Variants in ABCA13 observed in about 807,000 individuals in gnomAD.
ABCA13 encodes ATP binding cassette subfamily A member 13, also known as ATP-binding cassette sub-family A member 13.
Under a neutral mutation model 478.7 loss-of-function variants are expected in ABCA13, and 476 were observed. That is an observed-to-expected ratio of 0.99 (90% CI 0.92 to 1.07). The LOEUF (loss-of-function observed/expected upper bound fraction) is 1.07. Among genes scored for constraint, ABCA13 ranks in the 50% least tolerant of loss-of-function variants. The pLI is 0.00. For synonymous variants in ABCA13, 2,252 were observed against 2,158.9 expected (o/e 1.04, Z -1.20); for missense variants, 6,060 against 5,910.6 (o/e 1.03, Z -0.83).
chr7:48,404,323 T>G (rs1004850856), intron 39 of ABCA13: 4 of 217,812 alleles, frequency 1.8e-5, no homozygotes, highest in Non-Finnish European at 3.8e-5. Context: ...CTCTTGTCCA[T>G]GTTTCTCACA....
intron 42 of ABCA13, among the ~76,000 whole-genome samples, chr7:48,445,908 A>C (rs912928083): frequency 6.6e-6 from 1 of 152,194 alleles, no homozygotes; most frequent in South Asian, 2.1e-4. Flanking sequence ...AGTGGTAACC[A>C]CTTGGCCTTA....
chr7:48,216,773 AG>A (rs1786539795), intron 3 of ABCA13, among the ~76,000 whole-genome samples: 1 of 151,908 alleles, frequency 6.6e-6, no homozygotes, highest in Admixed American at 6.6e-5. Flanking sequence ...GGTGTGAGGA[AG>A]GGATACAACT....
chr7:48,248,109 T>C (rs1791978472), intron 13 of ABCA13, 130 bp from the exon 14 acceptor site: 1 of 698,436 alleles, frequency 1.4e-6, no homozygotes, highest in South Asian at 2.2e-5. Flanking sequence ...TACCATGCCA[T>C]AGGGCACGAT....
At chr7:48,422,716 C>A (rs142036631) in intron 41 of ABCA13, among the ~76,000 whole-genome samples, 1 of 152,176 alleles carries the variant, frequency 6.6e-6, no homozygotes, top group African/African-American at 2.4e-5. Flanking sequence ...GCGACGTCCA[C>A]GTCCTTATCA....
In ABCA13 at chr7:48,235,702, A is replaced by G. The variant is rs142096280; in HGVS notation, c.897+1551A>G. Among the ~76,000 whole-genome samples the G allele has an allele frequency of 3.8e-4, 58 of 152,246 alleles. 1 individual carries two copies. In the East Asian group the frequency reaches 0.01, roughly 27 times the overall value. Reference sequence around the variant, plus strand: ...GGGAGGAAAAATTCTTTTTTTCTCTATTATTCCATCTTCAATGGCTGGGGC... The same window carrying G: ...GGGAGGAAAAATTCTTTTTTTCTCTGTTATTCCATCTTCAATGGCTGGGGC... On this transcript the variant is annotated intron_variant, in intron 8 of 61. Transcript: ENST00000435803.
intron 55 of ABCA13, among the ~76,000 whole-genome samples, chr7:48,571,262 A>G (rs1359151563): frequency 1.3e-5 from 2 of 152,200 alleles, no homozygotes; most frequent in Admixed American, 6.5e-5. Context: ...TTATATGGTA[A>G]TCTTAACCAG....
intron 58 of ABCA13, among the ~76,000 whole-genome samples, chr7:48,599,169 A>G (rs1266533833): frequency 1.3e-5 from 2 of 151,708 alleles, no homozygotes; most frequent in African/African-American, 4.8e-5. Flanking sequence ...ATATTTTTCA[A>G]TTTCTCTTGT....
At chr7:48,511,380 A>G (rs2130906363) in intron 51 of ABCA13, among the ~76,000 whole-genome samples, 181 bp downstream of exon 51, 1 of 152,250 alleles carries the variant, frequency 6.6e-6, no homozygotes, top group South Asian at 2.1e-4. Context: ...CCCGTGGAGG[A>G]AGGAAGGGCT....
At chr7:48,623,201 C>A (rs1046928856) in intron 59 of ABCA13, among the ~76,000 whole-genome samples, 2 of 152,200 alleles carry the variant, frequency 1.3e-5, no homozygotes, top group Admixed American at 6.5e-5. Context: ...ATTTTAATAT[C>A]TTTTCCATTC....
At chr7:48,436,945 T>TG (rs1822922399) in intron 42 of ABCA13, among the ~76,000 whole-genome samples, 1 of 151,974 alleles carries the variant, frequency 6.6e-6, no homozygotes, top group South Asian at 2.1e-4. Flanking sequence ...TAACATGTGA[T>TG]CTATCCTTGA....
At chr7:48,271,203 G>A (rs10250034) in intron 16 of ABCA13, among the ~76,000 whole-genome samples, 78,941 of 152,076 alleles carry the variant, frequency 0.52, 21,081 homozygotes, top group African/African-American at 0.62. Flanking sequence ...GTGGATTTCT[G>A]TTACAAGAGG....
At chr7:48,370,732 G>C (rs73099316) in intron 32 of ABCA13, among the ~76,000 whole-genome samples, 12 of 151,966 alleles carry the variant, frequency 7.9e-5, no homozygotes, top group Non-Finnish European at 1.8e-4. Context: ...TTGCAAAAGC[G>C]ATGCTAAGAA....
intron 27 of ABCA13, among the ~76,000 whole-genome samples, chr7:48,319,444 A>G (rs1803087672): frequency 6.6e-6 from 1 of 152,206 alleles, no homozygotes; most frequent in Admixed American, 6.5e-5. Flanking sequence ...GTTTCTAGTC[A>G]TTAGACTCAT....
In ABCA13 at chr7:48,486,960, T is replaced by C. The variant is rs145340476; in HGVS notation, c.13183-2276T>C. On this transcript the variant is annotated intron_variant, in intron 47 of 61. Transcript: ENST00000435803. ...AGAATGGGAGGGCATGAAAGTCATA[T>C]AGCAAAGCATGTGGATACAGGGATG... is the stretch of plus-strand genomic sequence containing the variant. 7.6e-4 allele frequency among the ~76,000 whole-genome samples: 115 copies of C among 152,308 alleles called. No individual in the cohort carries two copies. The East Asian group carries it at 0.02, about 26-fold the overall frequency.
At chr7:48,542,653 G>A (rs557198387) in intron 55 of ABCA13, among the ~76,000 whole-genome samples, 1 of 151,646 alleles carries the variant, frequency 6.6e-6, no homozygotes, top group South Asian at 2.1e-4. Flanking sequence ...ATGTTAAAAT[G>A]TAGATGATGT....
Position 48,197,912 on chromosome 7 carries a change from AG to A in ABCA13, c.164-324del, listed in dbSNP as rs536041825. On this transcript the variant is annotated intron_variant, in intron 2 of 61. Transcript: ENST00000435803. ...TTCTTCCTACCCACAGCTTGTTTAC[AG>A]AGAGCGGTGTCTGGAAGCTTGGCTG... 1.2e-3 allele frequency among the ~76,000 whole-genome samples: 184 copies of A among 152,318 alleles called. 2 individuals are homozygous for A. The highest frequency in any genetic ancestry group is 4.1e-3 in the African/African-American group (170 of 41,566).
intron 56 of ABCA13, among the ~76,000 whole-genome samples, chr7:48,582,890 T>C (rs917912647): frequency 3.3e-5 from 5 of 152,182 alleles, no homozygotes; most frequent in South Asian, 4.1e-4. Context: ...TGAGCCTCAA[T>C]TTAATTAACC....
intron 41 of ABCA13, among the ~76,000 whole-genome samples, chr7:48,419,610 C>G (rs1820473474): frequency 6.6e-6 from 1 of 152,156 alleles, no homozygotes; most frequent in Non-Finnish European, 1.5e-5. Context: ...CCCAGAACAG[C>G]AAGAACTCCT....
At position 48,223,975 on chromosome 7, in the gene ABCA13, AAAGAG is replaced by A. The variant is rs1418927398; in HGVS notation, c.468+2668_468+2672del. On this transcript the variant is annotated intron_variant, in intron 5 of 61. Coordinates refer to ENST00000435803, the MANE Select transcript of ABCA13 (RefSeq NM_152701.5). ...CTCGGTCTCAAAAAAAAAAAAAAAAAAAGAGAGAGAGAGAGAGAATGGGGGCAGGT... is the reference window on the plus strand; with the variant it reads ...CTCGGTCTCAAAAAAAAAAAAAAAAAAGAGAGAGAGAGAATGGGGGCAGGT... Among the ~76,000 whole-genome samples, 237 of 150,084 alleles carry A rather than the reference AAAGAG, an allele frequency of 1.6e-3. 1 individual carries two copies. Among genetic ancestry groups the A allele is most frequent in the African/African-American group, 5.5e-3 (223 of 40,386 alleles).
Sources: allele counts gnomAD v4.1 joint callset (sites outside exome capture counted in the v4.1 genomes callset), GRCh38; gene constraint gnomAD v4.1.1; transcripts MANE v1.5; gene names NCBI Gene and HGNC (gene_info 2026-07-23, HGNC 2026-07-21).